The following PTPRM variants were observed in gnomAD, a reference collection of about 807,000 sequenced individuals.
The protein encoded by PTPRM is protein tyrosine phosphatase receptor type M, also known as receptor-type tyrosine-protein phosphatase mu.
Under a neutral mutation model 186.7 loss-of-function variants are expected in PTPRM, and 47 were observed. The observed-to-expected ratio is 0.25, with a 90% CI of 0.20 to 0.32. The LOEUF (loss-of-function observed/expected upper bound fraction) is 0.32. PTPRM is among the 10% of genes least tolerant of loss of function. The pLI, the probability that PTPRM is intolerant of heterozygous loss-of-function variation, is 1.00. For missense variants in PTPRM, 1,494 were observed against 1,865.0 expected (o/e 0.80, Z 3.66); for synonymous variants, 668 against 674.9 (o/e 0.99, Z 0.16).
chr18:7,923,035 G>A (rs893396972), intron 4 of PTPRM, among the ~76,000 whole-genome samples: 5 of 152,136 alleles, frequency 3.3e-5, no homozygotes, highest in African/African-American at 4.8e-5. Flanking sequence ...CAATAGCACT[G>A]CCTTTTAGTA....
intron 1 of PTPRM, among the ~76,000 whole-genome samples, chr18:7,677,653 A>G (rs1391351715): frequency 6.6e-6 from 1 of 152,102 alleles, no homozygotes; most frequent in Non-Finnish European, 1.5e-5. Flanking sequence ...GCCTTCTTCC[A>G]TGATCAGGCC....
At chr18:7,786,537 AG>A (rs1874636119) in intron 2 of PTPRM, among the ~76,000 whole-genome samples, 1 of 152,224 alleles carries the variant, frequency 6.6e-6, no homozygotes, top group Non-Finnish European at 1.5e-5. Flanking sequence ...TAAAACTTGA[AG>A]GTGCAGACTA....
intron 1 of PTPRM, among the ~76,000 whole-genome samples, chr18:7,584,041 A>C (rs1032079944): frequency 2.6e-5 from 4 of 152,212 alleles, no homozygotes; most frequent in African/African-American, 9.6e-5. Flanking sequence ...TTCTTACTTT[A>C]TCCGCAATGG....
chr18:7,567,949 G>C lies in PTPRM; in HGVS notation c.73+58G>C. 1 of 1,483,598 alleles carries C rather than the reference G, an allele frequency of 6.7e-7. No homozygotes were observed. The highest frequency in any genetic ancestry group is 1.3e-5 in the South Asian group (1 of 79,690). The allele number at this position is 1,483,598 out of a possible 1,614,324, so 91.9% of individuals were successfully genotyped here. A position where few individuals can be genotyped will look rare whatever the true frequency, so the allele number is the denominator to read the frequency against. On this transcript the variant is annotated intron_variant, in intron 1 of 32. Transcript: ENST00000580170. This position sits in a 1 kb window ranked among gnomAD's most constrained non-coding sequence, Gnocchi z 4.3. The stretch of plus-strand genomic sequence containing the variant: ...GCGCGGGCCGGCGCGGGACGCCCGG[G>C]ACGCCGACAGCTCCCTGGTGGTAGA...
intron 14 of PTPRM, among the ~76,000 whole-genome samples, chr18:8,193,525 A>T (rs1469305954): frequency 6.6e-6 from 1 of 152,240 alleles, no homozygotes; most frequent in Admixed American, 6.5e-5. Flanking sequence ...AGCTATGGTC[A>T]GCTGTAATGA....
chr18:7,955,288 A>C lies in PTPRM; in HGVS notation c.1006A>C (p.Thr336Pro). ...SWNDRQPVDS[T>P]SYKIGHLDPD... The stretch of plus-strand genomic sequence containing the variant: ...GAATGACCGGCAGCCAGTCGATTCC[A>C]CGAGCTATAAAATTGGACACCTTGA... Residue 336 changes from threonine to proline, a missense_variant, in exon 7 of 33, where the codon ACG (threonine) becomes CCG (proline). Physicochemically the swap from Thr to Pro is conservative, Grantham distance 38. Transcript: ENST00000580170. 6.2e-7 allele frequency: 1 copy of C among 1,614,170 alleles called. No individual in the cohort carries two copies. The highest frequency in any genetic ancestry group is 8.5e-7 in the Non-Finnish European group (1 of 1,180,040).
intron 11 of PTPRM, among the ~76,000 whole-genome samples, chr18:8,102,438 T>A (rs1257965257): frequency 6.6e-6 from 1 of 152,236 alleles, no homozygotes; most frequent in South Asian, 2.1e-4. Flanking sequence ...TATGTTAATA[T>A]AATATTCTAA....
At chr18:7,932,344 A>G (rs1721030723) in intron 5 of PTPRM, among the ~76,000 whole-genome samples, 1 of 152,216 alleles carries the variant, frequency 6.6e-6, no homozygotes, top group Admixed American at 6.5e-5. Context: ...ACAATTATGT[A>G]ACCTCTGAAT....
At chr18:7,821,081 C>T (rs1365972037) in intron 2 of PTPRM, among the ~76,000 whole-genome samples, 1 of 152,058 alleles carries the variant, frequency 6.6e-6, no homozygotes, top group Non-Finnish European at 1.5e-5. Flanking sequence ...CTCCTCATTC[C>T]CTCCTAGGAA....
intron 19 of PTPRM, among the ~76,000 whole-genome samples, chr18:8,287,282 A>G (rs1264380658): frequency 6.6e-6 from 1 of 152,218 alleles, no homozygotes; most frequent in Non-Finnish European, 1.5e-5. Flanking sequence ...TCAGGTTTTC[A>G]TATTAGAATG....
intron 1 of PTPRM, among the ~76,000 whole-genome samples, chr18:7,719,969 T>G (rs1231887769): frequency 6.6e-6 from 1 of 152,032 alleles, no homozygotes; most frequent in African/African-American, 2.4e-5. Flanking sequence ...TAGACTGAGG[T>G]AGGAGGATCT....
At chr18:8,034,650 C>T (rs1387086180) in intron 7 of PTPRM, among the ~76,000 whole-genome samples, 2 of 152,278 alleles carry the variant, frequency 1.3e-5, no homozygotes, top group East Asian at 1.9e-4. Flanking sequence ...CCCAGTGCTC[C>T]ACTCTGGGCT....
chr18:7,945,021 A>G (rs758984297), intron 5 of PTPRM, among the ~76,000 whole-genome samples: 2 of 152,164 alleles, frequency 1.3e-5, no homozygotes, highest in Non-Finnish European at 2.9e-5. Context: ...AGCCCTCATT[A>G]ATGGATTAAT....
intron 8 of PTPRM, among the ~76,000 whole-genome samples, chr18:8,074,823 T>G (rs1398030062): frequency 6.6e-6 from 1 of 152,218 alleles, no homozygotes; most frequent in Admixed American, 6.5e-5. Flanking sequence ...ATATATGATA[T>G]GCAGAAGCCT....
chr18:8,338,757 T>C (rs1396011631), intron 22 of PTPRM, among the ~76,000 whole-genome samples: 1 of 152,218 alleles, frequency 6.6e-6, no homozygotes, highest in Non-Finnish European at 1.5e-5. Flanking sequence ...TTAGGTATTA[T>C]TCTGTTTATG....
chr18:7,747,591 G>A (rs1000145305), intron 1 of PTPRM: 2 of 152,366 alleles, frequency 1.3e-5, no homozygotes, highest in South Asian at 2.1e-4. Context: ...TCTCTTTTCT[G>A]TTCCTTGGCT....
At position 8,069,922 on chromosome 18, in the gene PTPRM, G is replaced by A; in HGVS notation, c.1369G>A (p.Val457Met). 1.2e-6 allele frequency: 2 copies of A among 1,614,038 alleles called. No homozygotes were observed. Among genetic ancestry groups the A allele is most frequent in the Non-Finnish European group, 1.7e-6 (2 of 1,179,920 alleles). Reference protein sequence around the residue: ...TNLSPYTNVSVKLILMNPEGR... With the variant: ...TNLSPYTNVSMKLILMNPEGR... ...CCTGTCACCATACACCAATGTCAGTGTGAAACTGATCCTCATGAACCCAGA... is the reference window on the plus strand; with the variant it reads ...CCTGTCACCATACACCAATGTCAGTATGAAACTGATCCTCATGAACCCAGA... Residue 457 changes from valine to methionine, a missense_variant, in exon 8 of 33, where the codon GTG (valine) becomes ATG (methionine). Physicochemically the swap from Val to Met is conservative, Grantham distance 21 (BLOSUM62 1). This residue lies in a region of PTPRM where 1,107 missense variants were observed against 1,350.2 expected (regional missense o/e 0.82). Transcript: ENST00000580170.
chr18:7,603,145 G>T (rs2037448801), intron 1 of PTPRM, among the ~76,000 whole-genome samples: 1 of 151,882 alleles, frequency 6.6e-6, no homozygotes, highest in Non-Finnish European at 1.5e-5. Context: ...AGCTGGGATG[G>T]TCTCGATCTC....
chr18:7,922,059 TC>T (rs556124837), intron 4 of PTPRM, among the ~76,000 whole-genome samples: 222 of 152,316 alleles, frequency 1.5e-3, no homozygotes, highest in African/African-American at 5.0e-3. Context: ...CCTGTTGATT[TC>T]CCTTTTTTTC....
Sources: allele counts gnomAD v4.1 joint callset (sites outside exome capture counted in the v4.1 genomes callset), GRCh38; gene constraint gnomAD v4.1.1; regional missense constraint gnomAD v4.1.1; non-coding constraint Gnocchi (gnomAD v3.1); transcripts MANE v1.5; gene names NCBI Gene and HGNC (gene_info 2026-07-23, HGNC 2026-07-21).